The following ABCE1 variants were observed in gnomAD, a reference collection of about 807,000 sequenced individuals.
The protein encoded by ABCE1 is ATP binding cassette subfamily E member 1, also known as ATP-binding cassette sub-family E member 1.
A neutral mutation model predicts 83.4 loss-of-function variants in ABCE1; 22 were observed. The ratio of observed to expected loss-of-function variants is 0.26; its 90% CI spans 0.19 to 0.38. ABCE1 has a LOEUF of 0.38. Among genes scored for constraint, ABCE1 ranks in the 10% least tolerant of loss-of-function variants. The pLI is 1.00. For missense variants in ABCE1, 330 were observed against 721.9 expected, an observed-to-expected ratio of 0.46 and a Z score of 6.22; for synonymous variants, 204 against 233.7, an observed-to-expected ratio of 0.87 and a Z score of 1.16.
intron 1 of ABCE1, among the ~76,000 whole-genome samples, chr4:145,099,714 G>C (rs1446922696): frequency 6.6e-6 from 1 of 152,142 alleles, no homozygotes; most frequent in Non-Finnish European, 1.5e-5. Flanking sequence ...ACTACAATAA[G>C]CATGGGTTAG....
rs1174586841 is a variant in ABCE1, at chr4:145,117,405, G to A, written c.913G>A (p.Val305Ile). 1.2e-6 allele frequency: 2 copies of A among 1,608,972 alleles called. No individual in the cohort carries two copies. Among genetic ancestry groups the A allele is most frequent in the Non-Finnish European group, 1.7e-6 (2 of 1,177,246 alleles). The change falls in exon 10 of 18, where the codon GTA becomes ATA. Residue 305 changes from valine (V) to isoleucine (I), a missense_variant. By Grantham distance (29) the Val-to-Ile change is conservative (BLOSUM62 3). Coordinates refer to ENST00000296577, the MANE Select transcript of ABCE1 (RefSeq NM_002940.3). ...AYGVVTMPFSVREGINIFLDG... is the reference protein window; with the variant it reads ...AYGVVTMPFSIREGINIFLDG... ...TGGAGTTGTCACTATGCCTTTTAGT[G>A]TAAGAGAAGGTAACTTGAAAAACTT...
At chr4:145,126,874 T>C in intron 17 of ABCE1, among the ~76,000 whole-genome samples, 1 of 152,060 alleles carries the variant, frequency 6.6e-6, no homozygotes, top group Non-Finnish European at 1.5e-5. Context: ...GATAGAGAAA[T>C]GGTTAAGTTC....
intron 1 of ABCE1, among the ~76,000 whole-genome samples, chr4:145,101,093 A>G (rs1041101346): frequency 1.4e-4 from 21 of 152,134 alleles, no homozygotes; most frequent in African/African-American, 5.1e-4. Flanking sequence ...TGGAATATAT[A>G]GTATGTCATA....
At chr4:145,112,150 C>G in intron 8 of ABCE1, 89 bp from the exon 9 acceptor site, 1 of 871,482 alleles carries the variant, frequency 1.1e-6, no homozygotes, top group Non-Finnish European at 1.7e-6. Flanking sequence ...CTCAAAAGCT[C>G]TTGATACTAC....
chr4:145,122,855 G>T, intron 13 of ABCE1, 166 bp from the exon 14 acceptor site: 1 of 537,578 alleles, frequency 1.9e-6, no homozygotes, highest in East Asian at 3.1e-5. Context: ...GATGGGTTTT[G>T]AATAGAAAAT....
intron 3 of ABCE1, among the ~76,000 whole-genome samples, chr4:145,107,792 C>G (rs776715266): frequency 6.6e-6 from 1 of 152,142 alleles, no homozygotes; most frequent in Non-Finnish European, 1.5e-5. Context: ...CTCGGCAGTC[C>G]TGGAACAATT....
chr4:145,110,480 T>G (rs1749438270), intron 7 of ABCE1, 36 bp downstream of exon 7: 2 of 1,582,614 alleles, frequency 1.3e-6, no homozygotes, highest in South Asian at 1.1e-5. Context: ...GAATATATAT[T>G]TATTTATTTT....
chr4:145,108,044 C>T lies in ABCE1; in HGVS notation c.219C>T (p.Val73=). 2 of 1,613,462 alleles carry T rather than the reference C, an allele frequency of 1.2e-6. No homozygotes were observed. Among genetic ancestry groups the T allele is most frequent in the South Asian group, 1.1e-5 (1 of 90,940 alleles). Reference sequence around the variant, plus strand: ...GCCCCTTTGGCGCCTTATCAATTGTCAATCTACCAAGCAACTTGGAAAAAG... The same window carrying T: ...GCCCCTTTGGCGCCTTATCAATTGTTAATCTACCAAGCAACTTGGAAAAAG... ...KKCPFGALSI[V]NLPSNLEKET... is the part of the protein sequence containing the mutation. Residue 73 remains valine (V), a synonymous_variant, in exon 4 of 18, where the codon GTC becomes GTT. Transcript: ENST00000296577.
At chr4:145,126,334 A>C (rs1248636401) in intron 17 of ABCE1, among the ~76,000 whole-genome samples, 2 of 152,028 alleles carry the variant, frequency 1.3e-5, no homozygotes, top group Admixed American at 1.3e-4. Flanking sequence ...TCACTCTCTC[A>C]CCTAGGCTGG....
intron 8 of ABCE1, among the ~76,000 whole-genome samples, chr4:145,111,619 G>T (rs1387354013): frequency 6.6e-6 from 1 of 152,132 alleles, no homozygotes; most frequent in Non-Finnish European, 1.5e-5. Context: ...GAGCCACCAC[G>T]CCTGGCCTAA....
Position 145,119,956 on chromosome 4 carries a change from A to G in ABCE1, c.947A>G (p.Tyr316Cys), listed in dbSNP as rs752569420. 3 of 1,611,104 alleles carry G rather than the reference A, an allele frequency of 1.9e-6. No individual in the cohort carries two copies. Among genetic ancestry groups the G allele is most frequent in the Admixed American group, 1.7e-5 (1 of 59,534 alleles). ...GGCATAAACATTTTTTTGGATGGCT[A>G]TGTTCCAACAGAAAACTTGAGATTC... ...REGINIFLDG[Y>C]VPTENLRFRD... The change falls in exon 11 of 18, where the codon TAT becomes TGT. Residue 316 changes from tyrosine (Y) to cysteine (C), a missense_variant. By Grantham distance (194) the Tyr-to-Cys change is radical (BLOSUM62 -2). Transcript: ENST00000296577.
intron 1 of ABCE1, among the ~76,000 whole-genome samples, chr4:145,102,257 T>C (rs1476690067): frequency 6.6e-6 from 1 of 152,196 alleles, no homozygotes; most frequent in Non-Finnish European, 1.5e-5. Flanking sequence ...TAGAATGGAT[T>C]CCAGAGAGCA....
At chr4:145,123,710 G>C (rs1190858108) in intron 16 of ABCE1, 110 bp downstream of exon 16, 3 of 1,124,750 alleles carry the variant, frequency 2.7e-6, no homozygotes, top group Middle Eastern at 5.9e-4. Context: ...TTCTAGACTT[G>C]ATTCTGTGAC....
In ABCE1 at chr4:145,111,049, T is replaced by C; in HGVS notation, c.695T>C (p.Ile232Thr). 6.2e-7 allele frequency: 1 copy of C among 1,610,898 alleles called. No individual in the cohort carries two copies. The highest frequency in any genetic ancestry group is 8.5e-7 in the Non-Finnish European group (1 of 1,178,588). The change falls in exon 8 of 18, where the codon ATA becomes ACA. Residue 232 changes from isoleucine to threonine, a missense_variant. Coordinates refer to ENST00000296577, the MANE Select transcript of ABCE1 (RefSeq NM_002940.3). ...LQRFACAVVC[I>T]QKADIFMFDE... ...AGATTTGCTTGTGCTGTCGTTTGCA[T>C]ACAGAAAGCTGATATGTAGGTTACT... is the stretch of plus-strand genomic sequence containing the variant.
intron 5 of ABCE1, 59 bp downstream of exon 5, chr4:145,109,308 G>A (rs199627300): frequency 3.4e-6 from 3 of 889,836 alleles, no homozygotes; most frequent in Non-Finnish European, 5.1e-6. Context: ...AGATTTTGGG[G>A]GGATGATATG....
intron 11 of ABCE1, among the ~76,000 whole-genome samples, 191 bp downstream of exon 11, chr4:145,120,344 C>T (rs1749711178): frequency 6.6e-6 from 1 of 152,008 alleles, no homozygotes; most frequent in African/African-American, 2.4e-5. Context: ...GTAATTCAAT[C>T]AGGTTAATAG....
intron 1 of ABCE1, among the ~76,000 whole-genome samples, chr4:145,100,408 A>G (rs969546839): frequency 6.6e-6 from 1 of 152,216 alleles, no homozygotes; most frequent in Non-Finnish European, 1.5e-5. Context: ...AAAATTAAAT[A>G]TTTTAGTAGT....
At chr4:145,110,515 G>T in intron 7 of ABCE1, 71 bp downstream of exon 7, 3 of 1,482,640 alleles carry the variant, frequency 2.0e-6, no homozygotes, top group Non-Finnish European at 2.8e-6. Context: ...CGCTCTTGTT[G>T]CCCAGGCTGG....
chr4:145,107,956 A>T, intron 3 of ABCE1, 59 bp from the exon 4 acceptor site: 2 of 1,254,502 alleles, frequency 1.6e-6, no homozygotes, highest in Non-Finnish European at 2.2e-6. Context: ...AATCCATTTT[A>T]GTTATGTGTA....
Sources: allele counts gnomAD v4.1 joint callset (sites outside exome capture counted in the v4.1 genomes callset), GRCh38; gene constraint gnomAD v4.1.1; transcripts MANE v1.5; gene names NCBI Gene and HGNC (gene_info 2026-07-23, HGNC 2026-07-21).